GANC: variants seen among roughly 807,000 people sequenced by gnomAD.
The protein encoded by GANC is glucosidase alpha, neutral C, also known as neutral alpha-glucosidase C.
GANC carries 117 observed loss-of-function variants against 124.2 expected under a neutral mutation model. The ratio of observed to expected loss-of-function variants is 0.94; its 90% confidence interval spans 0.81 to 1.10. The LOEUF is 1.10. Ranked by LOEUF, GANC falls within the 50% of genes least tolerant of loss-of-function variation. The pLI is 0.00. For missense variants in GANC, 1,140 were observed against 1,095.0 expected, an observed-to-expected ratio of 1.04 and a Z score of -0.58; for synonymous variants, 377 against 376.8, an observed-to-expected ratio of 1.00 and a Z score of -0.01.
At position 42,353,199 on chromosome 15, in the gene GANC, C is replaced by T. The variant is rs2052472909; in HGVS notation, c.*1060C>T. 1 of 985,882 alleles carries T rather than the reference C, an allele frequency of 1.0e-6. No homozygotes were observed. The highest frequency in any genetic ancestry group is 6.1e-5 in the Admixed American group (1 of 16,268). The allele number at this position is 985,882 out of a possible 1,614,324, so 61.1% of individuals were successfully genotyped here. On this transcript the variant is annotated 3_prime_UTR_variant, in exon 24 of 24. Coordinates refer to ENST00000318010, the MANE Select transcript of GANC (RefSeq NM_198141.3). Reference sequence around the variant, plus strand: ...GACCTCAGTGGCTCCCTGCTGCCTGCCACAGCATCTGTTTTAGCAGCCTCG... The same window carrying T: ...GACCTCAGTGGCTCCCTGCTGCCTGTCACAGCATCTGTTTTAGCAGCCTCG...
At chr15:42,296,683 G>A (rs914807221) in intron 5 of GANC, among the ~76,000 whole-genome samples, 1 of 152,062 alleles carries the variant, frequency 6.6e-6, no homozygotes, top group African/African-American at 2.4e-5. Flanking sequence ...GTGAGCTGCC[G>A]CACCCAGACT....
chr15:42,308,861 T>C (rs2052023904), intron 8 of GANC, among the ~76,000 whole-genome samples: 1 of 152,116 alleles, frequency 6.6e-6, no homozygotes, highest in Non-Finnish European at 1.5e-5. Flanking sequence ...CCTAGAAATA[T>C]AGAGGAAGTA....
Position 42,308,139 on chromosome 15 carries a change from ATC to A in GANC, c.626-77_626-76del, listed in dbSNP as rs947357925. 2.1e-5 allele frequency: 17 copies of A among 805,974 alleles called. No homozygotes were observed. The Admixed American group carries it at 3.6e-4, about 17-fold the overall frequency. The allele number at this position is 805,974 out of a possible 1,614,324, so 49.9% of individuals were successfully genotyped here. On this transcript the variant is annotated intron_variant, in intron 7 of 23. Coordinates refer to ENST00000318010, the MANE Select transcript of GANC (RefSeq NM_198141.3). Reference sequence around the variant, plus strand: ...AGGTCTCTCAGCCTTTAGTCTAGTCATCTCTCTGCACTCAGAATTAACTGAAT... The same window carrying A: ...AGGTCTCTCAGCCTTTAGTCTAGTCATCTCTGCACTCAGAATTAACTGAAT...
chr15:42,316,533 T>A (rs1205995270), intron 10 of GANC, among the ~76,000 whole-genome samples: 1 of 152,196 alleles, frequency 6.6e-6, no homozygotes, highest in African/African-American at 2.4e-5. Flanking sequence ...TATGCACTTG[T>A]AAGAAAGATC....
At chr15:42,342,215 A>G (rs975841469) in intron 18 of GANC, among the ~76,000 whole-genome samples, 16 of 152,340 alleles carry the variant, frequency 1.1e-4, no homozygotes, top group African/African-American at 3.6e-4. Context: ...ATAAAAGAGC[A>G]AAGTAGTAAG....
At chr15:42,337,410 A>G (rs2052291032) in intron 15 of GANC, among the ~76,000 whole-genome samples, 1 of 152,170 alleles carries the variant, frequency 6.6e-6, no homozygotes, top group South Asian at 2.1e-4. Flanking sequence ...CTGTGCAGGA[A>G]CATGGATGGA....
At chr15:42,286,858 A>G (rs973486977) in intron 3 of GANC, among the ~76,000 whole-genome samples, 2 of 152,254 alleles carry the variant, frequency 1.3e-5, no homozygotes, top group Non-Finnish European at 2.9e-5. Flanking sequence ...ACAGGCACCC[A>G]GTAGTAACCA....
At chr15:42,303,695 G>A (rs967793118) in intron 6 of GANC, among the ~76,000 whole-genome samples, 1 of 145,492 alleles carries the variant, frequency 6.9e-6, no homozygotes, top group Non-Finnish European at 1.5e-5. Context: ...AGAAAGCAGG[G>A]GTTGAAATCT....
At chr15:42,346,532 T>C (rs1045608247) in intron 20 of GANC, among the ~76,000 whole-genome samples, 5 of 152,128 alleles carry the variant, frequency 3.3e-5, no homozygotes, top group African/African-American at 1.2e-4. Flanking sequence ...ATCAAAGCTG[T>C]AAAATGTGAG....
At chr15:42,351,073 T>C (rs1182345045) in intron 22 of GANC, among the ~76,000 whole-genome samples, 2 of 151,408 alleles carry the variant, frequency 1.3e-5, no homozygotes, top group African/African-American at 2.4e-5. Flanking sequence ...GATTTTGCCA[T>C]GTTGCCCAGG....
intron 10 of GANC, among the ~76,000 whole-genome samples, 195 bp downstream of exon 10, chr15:42,311,041 C>CT (rs2052045694): frequency 6.6e-6 from 1 of 152,214 alleles, no homozygotes; most frequent in South Asian, 2.1e-4. Context: ...CTAGAATGCT[C>CT]TACTGTCTAG....
rs2051671593 is a variant in GANC, at chr15:42,276,369, T to C, written c.51T>C (p.Asp17=). 1.4e-6 allele frequency: 2 copies of C among 1,459,408 alleles called. No homozygotes were observed. The highest frequency in any genetic ancestry group is 4.6e-5 in the East Asian group (2 of 43,830). The allele number at this position is 1,459,408 out of a possible 1,614,324, so 90.4% of individuals were successfully genotyped here. ...EEISLEDEAV[D]KNIFRDCNKI... is the part of the protein sequence containing the mutation. Reference sequence around the variant, plus strand: ...TTAGTCTTGAAGATGAAGCTGTAGATAAAAACATTTTCAGAGACTGTAACA... The same window carrying C: ...TTAGTCTTGAAGATGAAGCTGTAGACAAAAACATTTTCAGAGACTGTAACA... Residue 17 remains aspartate (D), a synonymous_variant, in exon 2 of 24, where the codon GAT becomes GAC. Coordinates refer to ENST00000318010, the MANE Select transcript of GANC (RefSeq NM_198141.3).
chr15:42,306,797 T>C (rs2052000862), intron 7 of GANC, among the ~76,000 whole-genome samples, 185 bp downstream of exon 7: 1 of 152,194 alleles, frequency 6.6e-6, no homozygotes, highest in Non-Finnish European at 1.5e-5. Context: ...TTATTTGCCT[T>C]TTGTAGGAAG....
chr15:42,306,640 A>C, intron 7 of GANC, 28 bp downstream of exon 7: 1 of 1,458,054 alleles, frequency 6.9e-7, no homozygotes, highest in Non-Finnish European at 9.5e-7. Context: ...ATAGTATTAA[A>C]ACAGATCATT....
intron 18 of GANC, among the ~76,000 whole-genome samples, 156 bp downstream of exon 18, chr15:42,340,910 T>C (rs1336879302): frequency 1.3e-5 from 2 of 151,556 alleles, no homozygotes; most frequent in Non-Finnish European, 2.9e-5. Context: ...GGATTACAGG[T>C]GCCCGCCACC....
intron 5 of GANC, among the ~76,000 whole-genome samples, chr15:42,296,455 C>T (rs1455018095): frequency 1.3e-5 from 2 of 152,080 alleles, no homozygotes; most frequent in Admixed American, 6.6e-5. Context: ...GGTGCGATCT[C>T]AGCTCACTGC....
chr15:42,310,068 A>G (rs991184197), intron 8 of GANC, among the ~76,000 whole-genome samples: 1 of 152,118 alleles, frequency 6.6e-6, no homozygotes, highest in African/African-American at 2.4e-5. Flanking sequence ...ATGTGATCGT[A>G]TGTGCTAATG....
In GANC at chr15:42,274,249, A is replaced by G. The variant is rs902750604; in HGVS notation, c.-233A>G. On this transcript the variant is annotated 5_prime_UTR_variant, in exon 1 of 24. Transcript: ENST00000318010. Reference sequence around the variant, plus strand: ...GTTCCTCATCAGCCACCCATAATCAAGACAAATTTGCCAAATAAATCATTG... The same window carrying G: ...GTTCCTCATCAGCCACCCATAATCAGGACAAATTTGCCAAATAAATCATTG... 1.9e-6 allele frequency: 1 copy of G among 537,160 alleles called. No individual in the cohort carries two copies. Among genetic ancestry groups the G allele is most frequent in the Non-Finnish European group, 3.3e-6 (1 of 302,196 alleles). 33.3% of individuals were successfully genotyped at this position (537,160 alleles called of 1,614,324 possible).
chr15:42,330,770 C>CTTTTTTTTTTT (rs71108160), intron 15 of GANC, 98 bp downstream of exon 15: 58 of 361,046 alleles, frequency 1.6e-4, no homozygotes, highest in South Asian at 7.7e-4. Context: ...CTTCCTTTTC[C>CTTTTTTTTTTT]TTTTTTTTTT....
Sources: gnomAD v4.1 joint callset for allele counts (sites outside exome capture counted in the v4.1 genomes callset) on GRCh38, gnomAD v4.1.1 for gene constraint, MANE v1.5 for transcripts, NCBI Gene and HGNC (gene_info 2026-07-23, HGNC 2026-07-21) for gene names.